The following CAMSAP2 variants were observed in gnomAD, a reference collection of about 807,000 sequenced individuals.
CAMSAP2 encodes the protein calmodulin regulated spectrin associated protein family member 2, also known as calmodulin-regulated spectrin-associated protein 2.
CAMSAP2 carries 26 observed loss-of-function variants against 146.1 expected under a neutral mutation model. The observed-to-expected ratio is 0.18, with a 90% CI of 0.13 to 0.25. CAMSAP2 has a LOEUF of 0.25. Ranked by LOEUF, CAMSAP2 falls within the 10% of genes least tolerant of loss-of-function variation. The pLI is 1.00. For synonymous variants in CAMSAP2, 499 were observed against 596.6 expected (o/e 0.84, Z 2.38); for missense variants, 1,381 against 1,759.3 (o/e 0.78, Z 3.85).
intron 2 of CAMSAP2, among the ~76,000 whole-genome samples, chr1:200,781,196 G>C (rs948565061): frequency 1.3e-5 from 2 of 152,162 alleles, no homozygotes; most frequent in African/African-American, 4.8e-5. Flanking sequence ...AATATGCCTG[G>C]AAAACTTTCA....
chr1:200,796,008 T>C (rs1340019691), intron 2 of CAMSAP2, among the ~76,000 whole-genome samples: 1 of 152,232 alleles, frequency 6.6e-6, no homozygotes, highest in African/African-American at 2.4e-5. Flanking sequence ...ATCAGTTGTT[T>C]AAGCATATGT....
At chr1:200,772,600 CTA>C (rs1665149511) in intron 2 of CAMSAP2, among the ~76,000 whole-genome samples, 1 of 151,736 alleles carries the variant, frequency 6.6e-6, no homozygotes, top group African/African-American at 2.4e-5. Flanking sequence ...CAGAGGGAGA[CTA>C]TGTCTCAAAA....
chr1:200,778,259 AAAAG>A (rs1246976943), intron 2 of CAMSAP2, among the ~76,000 whole-genome samples: 1 of 152,230 alleles, frequency 6.6e-6, no homozygotes, highest in South Asian at 2.1e-4. Context: ...ATTTTTTAAG[AAAAG>A]AAAGTCATTC....
At chr1:200,765,966 A>G (rs1459421365) in intron 2 of CAMSAP2, among the ~76,000 whole-genome samples, 4 of 152,150 alleles carry the variant, frequency 2.6e-5, no homozygotes, top group African/African-American at 4.8e-5. Context: ...TGAGTTAAGG[A>G]TTTTTAACTT....
intron 14 of CAMSAP2, among the ~76,000 whole-genome samples, 194 bp downstream of exon 14, chr1:200,855,083 C>T (rs1667717274): frequency 6.7e-6 from 1 of 150,278 alleles, no homozygotes; most frequent in Non-Finnish European, 1.5e-5. Flanking sequence ...GGTGTCTATT[C>T]ATCTTTCAGT....
At chr1:200,753,849 G>A (rs12404756) in intron 1 of CAMSAP2, among the ~76,000 whole-genome samples, 10,666 of 152,248 alleles carry the variant, frequency 0.07, 434 homozygotes, top group East Asian at 0.15. Flanking sequence ...GTCAGCAGAT[G>A]TGCCGTGTTG....
At chr1:200,782,699 G>A (rs1665470315) in intron 2 of CAMSAP2, among the ~76,000 whole-genome samples, 1 of 151,512 alleles carries the variant, frequency 6.6e-6, no homozygotes, top group Non-Finnish European at 1.5e-5. Flanking sequence ...ACCTGCTGAT[G>A]GACTTTGATG....
intron 4 of CAMSAP2, among the ~76,000 whole-genome samples, chr1:200,823,992 C>T (rs1262997782): frequency 6.6e-6 from 1 of 152,152 alleles, no homozygotes; most frequent in Non-Finnish European, 1.5e-5. Context: ...AATTTTACAG[C>T]ATCAGCCACT....
intron 6 of CAMSAP2, among the ~76,000 whole-genome samples, chr1:200,837,162 G>A (rs1398497317): frequency 6.6e-6 from 1 of 152,044 alleles, no homozygotes; most frequent in Non-Finnish European, 1.5e-5. Context: ...TGAAATCTTT[G>A]CCCATTCCTA....
At chr1:200,794,346 A>T (rs1665827769) in intron 2 of CAMSAP2, among the ~76,000 whole-genome samples, 1 of 152,218 alleles carries the variant, frequency 6.6e-6, no homozygotes, top group Non-Finnish European at 1.5e-5. Context: ...ATAACCAAAT[A>T]TGACATAACC....
rs770621038 is a variant in CAMSAP2 at position 200,856,066 on chromosome 1, A to G, written c.3953A>G (p.Glu1318Gly). ...AGTCGTTGTGGCAGTCGAAATGGAGAAAAAGACTGGGAGAATGCATCAACA... is the reference window on the plus strand; with the variant it reads ...AGTCGTTGTGGCAGTCGAAATGGAGGAAAAGACTGGGAGAATGCATCAACA... ...SPSRCGSRNG[E>G]KDWENASTTS... The change falls in exon 15 of 17, where the codon GAA becomes GGA. Residue 1318 changes from glutamate to glycine, a missense_variant. By Grantham distance (98) the Glu-to-Gly change is moderately conservative. Transcript: ENST00000358823. The G allele has an allele frequency of 6.2e-6, 10 of 1,613,920 alleles. No individual in the cohort carries two copies. The Admixed American group carries it at 1.2e-4, about 19-fold the overall frequency.
At chr1:200,751,158 C>T (rs964857244) in intron 1 of CAMSAP2, among the ~76,000 whole-genome samples, 1 of 151,788 alleles carries the variant, frequency 6.6e-6, no homozygotes, top group African/African-American at 2.4e-5. Context: ...CTGCCTCAGC[C>T]TCCCGAAGTG....
At chr1:200,836,918 C>T (rs1667199755) in intron 6 of CAMSAP2, among the ~76,000 whole-genome samples, 1 of 152,038 alleles carries the variant, frequency 6.6e-6, no homozygotes, top group South Asian at 2.1e-4. Context: ...TGTTCATGTC[C>T]TTTGCCCACT....
intron 1 of CAMSAP2, among the ~76,000 whole-genome samples, chr1:200,744,219 A>G (rs1439870765): frequency 2.0e-5 from 3 of 152,244 alleles, no homozygotes; most frequent in African/African-American, 7.2e-5. Context: ...CTCTATGGGT[A>G]GAAGTCAAAA....
At chr1:200,816,406 A>G (rs1181788688) in intron 4 of CAMSAP2, among the ~76,000 whole-genome samples, 2 of 151,506 alleles carry the variant, frequency 1.3e-5, no homozygotes, top group Non-Finnish European at 2.9e-5. Context: ...CAGCCTGCCC[A>G]ACATAGTAAA....
intron 1 of CAMSAP2, among the ~76,000 whole-genome samples, chr1:200,753,792 T>G (rs1399449290): frequency 6.6e-6 from 1 of 152,162 alleles, no homozygotes; most frequent in Admixed American, 6.5e-5. Flanking sequence ...CACTCTGTAC[T>G]CCTCTTGCTT....
Position 200,858,132 on chromosome 1 carries a change from T to G in CAMSAP2, c.*73T>G, listed in dbSNP as rs1418608097. Reference sequence around the variant, plus strand: ...CATCTTTCCTGCCTATAGAAAATCTTTCTAATTGCCAACAAGACTTTTATT... The same window carrying G: ...CATCTTTCCTGCCTATAGAAAATCTGTCTAATTGCCAACAAGACTTTTATT... On this transcript the variant is annotated 3_prime_UTR_variant, in exon 17 of 17. Transcript: ENST00000358823. 3 of 1,305,360 alleles carry G rather than the reference T, an allele frequency of 2.3e-6. No individual in the cohort carries two copies. Among genetic ancestry groups the G allele is most frequent in the African/African-American group, 3.0e-5 (2 of 67,128 alleles). 80.9% of individuals were successfully genotyped at this position (1,305,360 alleles called of 1,614,324 possible).
At position 200,853,295 on chromosome 1, in the gene CAMSAP2, G is replaced by A. The variant is rs1372583239; in HGVS notation, c.3623G>A (p.Arg1208His). The change falls in exon 13 of 17, where the codon CGT becomes CAT. Residue 1208 changes from arginine (R) to histidine (H), a missense_variant. By Grantham distance (29) the Arg-to-His change is conservative. Coordinates refer to ENST00000358823, the MANE Select transcript of CAMSAP2 (RefSeq NM_203459.4). The surrounding 1 kb of genome is among the most constrained non-coding windows in gnomAD (Gnocchi z 5.1). ...CTTAGGCGTAAAACTGAGGAAGAAC[G>A]TCAGAAGAAAGAAGATGAGAGAGCA... is the stretch of plus-strand genomic sequence containing the variant. The part of the protein sequence containing the change: ...EETRRKTEEE[R>H]QKKEDERARR... The A allele has an allele frequency of 4.3e-6, 7 of 1,613,152 alleles. No homozygotes were observed. Among genetic ancestry groups the A allele is most frequent in the African/African-American group, 2.7e-5 (2 of 74,906 alleles).
At chr1:200,803,346 A>G (rs998593015) in intron 2 of CAMSAP2, among the ~76,000 whole-genome samples, 2 of 152,256 alleles carry the variant, frequency 1.3e-5, no homozygotes, top group African/African-American at 4.8e-5. Flanking sequence ...TGAGAACATT[A>G]CATACTGAAA....
Sources: gnomAD v4.1 joint callset for allele counts (sites outside exome capture counted in the v4.1 genomes callset) on GRCh38, gnomAD v4.1.1 for gene constraint, Gnocchi (gnomAD v3.1) non-coding constraint, MANE v1.5 for transcripts, NCBI Gene and HGNC (gene_info 2026-07-23, HGNC 2026-07-21) for gene names.